The following PLG variants were observed in gnomAD, a reference collection of about 807,000 sequenced individuals.
PLG encodes the protein plasmin.
PLG carries 41 observed loss-of-function variants against 104.4 expected under a neutral mutation model. That is an observed-to-expected ratio of 0.39 (90% CI 0.31 to 0.51). PLG has a LOEUF of 0.51. Ranked by LOEUF, PLG falls within the 20% of genes least tolerant of loss-of-function variation. PLG has a pLI of 0.76. For synonymous variants in PLG, 337 were observed against 357.1 expected (o/e 0.94, Z 0.63); for missense variants, 891 against 1,003.6 (o/e 0.89, Z 1.52).
chr6:160,752,368 AC>A lies in PLG; in HGVS notation c.2271+112del. ...CAAATTCAAGGATTTTCAACCGAAGACCCCAGTCTAAGTGTTGTTTAGAAAC... is the reference window on the plus strand; with the variant it reads ...CAAATTCAAGGATTTTCAACCGAAGACCCAGTCTAAGTGTTGTTTAGAAAC... On this transcript the variant is annotated intron_variant, in intron 18 of 18. Transcript: ENST00000308192. The surrounding 1 kb of genome is among the most constrained non-coding windows in gnomAD (Gnocchi z 4.7). The A allele has an allele frequency of 1.0e-6, 1 of 966,820 alleles. No individual in the cohort carries two copies. Among genetic ancestry groups the A allele is most frequent in the Non-Finnish European group, 1.7e-6 (1 of 599,894 alleles). The allele number at this position is 966,820 out of a possible 1,614,324, so 59.9% of individuals were successfully genotyped here.
In PLG at chr6:160,734,157, G is replaced by C. The variant is rs1012905843; in HGVS notation, c.1681+69G>C. 1 of 877,088 alleles carries C rather than the reference G, an allele frequency of 1.1e-6. No homozygotes were observed. The highest frequency in any genetic ancestry group is 1.9e-6 in the Non-Finnish European group (1 of 519,832). The allele number at this position is 877,088 out of a possible 1,614,324, so 54.3% of individuals were successfully genotyped here. ...GGATTTGCAACAAAAAAGGAAAAGG[G>C]CTTCTGAGCAGACTGCTTCTGGGGA... On this transcript the variant is annotated intron_variant, in intron 13 of 18. Coordinates refer to ENST00000308192, the MANE Select transcript of PLG (RefSeq NM_000301.5). The surrounding 1 kb of genome is among the most constrained non-coding windows in gnomAD (Gnocchi z 4.4).
At chr6:160,713,743 A>T (rs1475815101) in intron 5 of PLG, among the ~76,000 whole-genome samples, 1 of 152,204 alleles carries the variant, frequency 6.6e-6, no homozygotes, top group Non-Finnish European at 1.5e-5. Flanking sequence ...TCAAATAAAC[A>T]ATATATATTT....
At chr6:160,730,329 A>C (rs1216735737) in intron 10 of PLG, among the ~76,000 whole-genome samples, 1 of 152,148 alleles carries the variant, frequency 6.6e-6, no homozygotes, top group Non-Finnish European at 1.5e-5. Flanking sequence ...CCAGCAGAGG[A>C]TGGATTGAGA....
Position 160,752,184 on chromosome 6 carries a change from A to G in PLG, c.2195A>G (p.Tyr732Cys), listed in dbSNP as rs149148300. ...ATTGAGAATAAAGTGTGCAATCGCT[A>G]TGAGTTTCTGAATGGAAGAGTCCAA... ...PVIENKVCNR[Y>C]EFLNGRVQST... Residue 732 changes from tyrosine (Y) to cysteine (C), a missense_variant, in exon 18 of 19, where the codon TAT becomes TGT. Coordinates refer to ENST00000308192, the MANE Select transcript of PLG (RefSeq NM_000301.5). The surrounding 1 kb of genome is among the most constrained non-coding windows in gnomAD (Gnocchi z 4.7). The G allele has an allele frequency of 3.1e-6, 5 of 1,612,644 alleles. No individual in the cohort carries two copies. The highest frequency in any genetic ancestry group is 1.6e-4 in the Middle Eastern group (1 of 6,084).
intron 6 of PLG, among the ~76,000 whole-genome samples, chr6:160,715,664 T>G (rs1330180801): frequency 6.6e-6 from 1 of 151,436 alleles, no homozygotes; most frequent in Non-Finnish European, 1.5e-5. Context: ...CTTTCAAGAA[T>G]GCAGAAGTGA....
intron 5 of PLG, 183 bp downstream of exon 5, chr6:160,713,308 T>C (rs1050079162): frequency 6.9e-5 from 41 of 594,264 alleles, no homozygotes; most frequent in South Asian, 1.3e-4. Context: ...TTTGCTCTCG[T>C]TGCCCAGGCT....
chr6:160,706,170 CT>C, intron 1 of PLG: 1 of 569,476 alleles, frequency 1.8e-6, no homozygotes. Context: ...GCCTTGCTCC[CT>C]CTCTCCCTTC....
Position 160,741,179 on chromosome 6 carries a change from T to C in PLG, c.2019-132T>C, listed in dbSNP as rs4252169. ...TGAGGGTGAAACTCTGTGTTCTACG[T>C]TGCTCTGTGTCAGTGAAGCAAGGCA... On this transcript the variant is annotated intron_variant, in intron 16 of 18. Coordinates refer to ENST00000308192, the MANE Select transcript of PLG (RefSeq NM_000301.5). The surrounding 1 kb of genome is among the most constrained non-coding windows in gnomAD (Gnocchi z 4.7). 4,898 of 714,024 alleles carry C rather than the reference T, an allele frequency of 6.9e-3. 165 individuals carry two copies. The African/African-American group carries it at 0.074, about 11-fold the overall frequency. The allele number at this position is 714,024 out of a possible 1,614,324, so 44.2% of individuals were successfully genotyped here.
chr6:160,725,753 C>T lies in PLG; in HGVS notation c.1256+3186C>T, dbSNP rs1265365621. Among the ~76,000 whole-genome samples the T allele has an allele frequency of 6.6e-5, 10 of 152,016 alleles. No homozygotes were observed. Among genetic ancestry groups the T allele is most frequent in the Admixed American group, 6.6e-4 (10 of 15,244 alleles). ...TAATTGTAAAGAGCTAGTCCAAAAA[C>T]CAAGTGTGGAAAATGACATATCATG... On this transcript the variant is annotated intron_variant, in intron 10 of 18. Transcript: ENST00000308192. The surrounding 1 kb of genome is among the most constrained non-coding windows in gnomAD (Gnocchi z 6.3).
In PLG at chr6:160,732,775, G is replaced by A. The variant is rs1041322129; in HGVS notation, c.1587+882G>A. Reference sequence around the variant, plus strand: ...AGACAGAAGAGATGCACGGGGCAAGGCATGTGAGAAGGGGCTCAGAGTTTC... The same window carrying A: ...AGACAGAAGAGATGCACGGGGCAAGACATGTGAGAAGGGGCTCAGAGTTTC... On this transcript the variant is annotated intron_variant, in intron 12 of 18. Transcript: ENST00000308192. This position sits in a 1 kb window ranked among gnomAD's most constrained non-coding sequence, Gnocchi z 4.5. Among the ~76,000 whole-genome samples, 3 of 152,202 alleles carry A rather than the reference G, an allele frequency of 2.0e-5. No individual in the cohort carries two copies. Among genetic ancestry groups the A allele is most frequent in the Non-Finnish European group, 4.4e-5 (3 of 68,034 alleles).
At position 160,731,022 on chromosome 6, in the gene PLG, T is replaced by G; in HGVS notation, c.1257-29T>G. Reference sequence around the variant, plus strand: ...TGCCCCTGAATATTCTCCCACCTCTTGTGACCTGTATTGTTTTGGAATTTC... The same window carrying G: ...TGCCCCTGAATATTCTCCCACCTCTGGTGACCTGTATTGTTTTGGAATTTC... On this transcript the variant is annotated intron_variant, in intron 10 of 18. Coordinates refer to ENST00000308192, the MANE Select transcript of PLG (RefSeq NM_000301.5). This position sits in a 1 kb window ranked among gnomAD's most constrained non-coding sequence, Gnocchi z 5.1. 1 of 1,610,372 alleles carries G rather than the reference T, an allele frequency of 6.2e-7. No individual in the cohort carries two copies. The highest frequency in any genetic ancestry group is 8.5e-7 in the Non-Finnish European group (1 of 1,176,666).
At chr6:160,713,313 C>T in intron 5 of PLG, 188 bp downstream of exon 5, 1 of 585,468 alleles carries the variant, frequency 1.7e-6, no homozygotes, top group East Asian at 3.2e-5. Flanking sequence ...TCTCGTTGCC[C>T]AGGCTAGAGT....
In PLG at chr6:160,723,691, G is replaced by A. The variant is rs1020117049; in HGVS notation, c.1256+1124G>A. Among the ~76,000 whole-genome samples the A allele has an allele frequency of 2.0e-5, 3 of 152,190 alleles. No individual in the cohort carries two copies. The highest frequency in any genetic ancestry group is 4.1e-4 in the South Asian group (2 of 4,832). ...CTAAATAGAAAGCTGCATATGCACA[G>A]GGAGAGGTTCCAGAGAGAAAATAGG... On this transcript the variant is annotated intron_variant, in intron 10 of 18. Transcript: ENST00000308192. The surrounding 1 kb of genome is among the most constrained non-coding windows in gnomAD (Gnocchi z 4.7).
At position 160,734,028 on chromosome 6, in the gene PLG, C is replaced by A. The variant is rs756169141; in HGVS notation, c.1621C>A (p.Pro541Thr). The change falls in exon 13 of 19, where the codon CCC becomes ACC. Residue 541 changes from proline to threonine, a missense_variant. By Grantham distance (38) the Pro-to-Thr change is conservative. Coordinates refer to ENST00000308192, the MANE Select transcript of PLG (RefSeq NM_000301.5). This position sits in a 1 kb window ranked among gnomAD's most constrained non-coding sequence, Gnocchi z 4.4. ...CRNPDGDVGG[P>T]WCYTTNPRKL... ...TAACCCTGATGGTGATGTAGGTGGT[C>A]CCTGGTGCTACACGACAAATCCAAG... 4 of 1,610,488 alleles carry A rather than the reference C, an allele frequency of 2.5e-6. No individual in the cohort carries two copies. The highest frequency in any genetic ancestry group is 3.4e-6 in the Non-Finnish European group (4 of 1,176,894).
intron 17 of PLG, among the ~76,000 whole-genome samples, chr6:160,745,258 G>A (rs372273065): frequency 5.9e-5 from 9 of 152,154 alleles, no homozygotes; most frequent in South Asian, 2.1e-4. Flanking sequence ...GAGTACTGAA[G>A]TCTCCCACTA....
In PLG at chr6:160,726,413, T is replaced by C. The variant is rs114478296; in HGVS notation, c.1256+3846T>C. On this transcript the variant is annotated intron_variant, in intron 10 of 18. Transcript: ENST00000308192. The surrounding 1 kb of genome is among the most constrained non-coding windows in gnomAD (Gnocchi z 4.4). ...TAAAAATACAACATATCAAAGTTCG[T>C]ATGATGCAGCGAATGTTTTTAGGGT... Among the ~76,000 whole-genome samples, 995 of 152,160 alleles carry C rather than the reference T, an allele frequency of 6.5e-3. 14 individuals carry two copies. The highest frequency in any genetic ancestry group is 0.023 in the African/African-American group (945 of 41,528).
At position 160,731,953 on chromosome 6, in the gene PLG, T is replaced by C; in HGVS notation, c.1587+60T>C. The stretch of plus-strand genomic sequence containing the variant: ...GCTCACCAATCTTTGCAAACAGAAT[T>C]GGTTCTGTGTTACAGAAAATCTGAC... On this transcript the variant is annotated intron_variant, in intron 12 of 18. Coordinates refer to ENST00000308192, the MANE Select transcript of PLG (RefSeq NM_000301.5). This position sits in a 1 kb window ranked among gnomAD's most constrained non-coding sequence, Gnocchi z 5.1. 1 of 1,549,450 alleles carries C rather than the reference T, an allele frequency of 6.5e-7. No individual in the cohort carries two copies. Among genetic ancestry groups the C allele is most frequent in the African/African-American group, 1.4e-5 (1 of 73,812 alleles).
chr6:160,733,952 C>T (rs1778046138), intron 12 of PLG, 43 bp from the exon 13 acceptor site: 1 of 1,033,450 alleles, frequency 9.7e-7, no homozygotes, highest in Non-Finnish European at 1.5e-6. Context: ...TCTCCCTCTC[C>T]TGCCCCACGT....
At chr6:160,703,290 A>C (rs986210466) in intron 1 of PLG, among the ~76,000 whole-genome samples, 2 of 150,912 alleles carry the variant, frequency 1.3e-5, no homozygotes, top group African/African-American at 4.9e-5. Context: ...AGCTTTATTG[A>C]GATATAATTA....
Sources: allele counts gnomAD v4.1 joint callset (sites outside exome capture counted in the v4.1 genomes callset), GRCh38; gene constraint gnomAD v4.1.1; non-coding constraint Gnocchi (gnomAD v3.1); transcripts MANE v1.5; gene names NCBI Gene and HGNC (gene_info 2026-07-23, HGNC 2026-07-21).